The following NCKAP5 variants were observed in gnomAD, a reference collection of about 807,000 sequenced individuals.
NCKAP5 encodes nck-associated protein 5.
A neutral mutation model predicts 167.0 loss-of-function variants in NCKAP5; 92 were observed. That is an observed-to-expected ratio of 0.55 (90% CI 0.47 to 0.66). The LOEUF is 0.66. NCKAP5 is among the 30% of genes least tolerant of loss of function. The pLI is 0.00. For missense variants in NCKAP5, 2,378 were observed against 2,315.0 expected (o/e 1.03, Z -0.56); for synonymous variants, 891 against 877.4 (o/e 1.02, Z -0.27).
At chr2:133,000,920 AT>A (rs1240995300) in intron 6 of NCKAP5, among the ~76,000 whole-genome samples, 3 of 152,308 alleles carry the variant, frequency 2.0e-5, no homozygotes, top group Non-Finnish European at 4.4e-5. Context: ...AAGTTCTAGT[AT>A]AGGCAAAATT....
At chr2:133,587,951 C>A in the NCKAP5 span, among the ~76,000 whole-genome samples, 588 of 152,036 alleles carry the variant, frequency 3.9e-3, 8 homozygotes, top group African/African-American at 0.013. Context: ...GATTTATGAC[C>A]CATCAGAGGT....
At chr2:133,033,113 G>T (rs2078933158) in intron 6 of NCKAP5, among the ~76,000 whole-genome samples, 1 of 152,192 alleles carries the variant, frequency 6.6e-6, no homozygotes, top group African/African-American at 2.4e-5. Context: ...TGGCCACTGA[G>T]GTGTGCTGGT....
At chr2:133,552,629 A>G (rs1330375390) in intron 2 of NCKAP5, among the ~76,000 whole-genome samples, 6 of 141,130 alleles carry the variant, frequency 4.3e-5, no homozygotes, top group African/African-American at 1.6e-4. Flanking sequence ...TAGCATTGGG[A>G]GATATACCTA....
intron 11 of NCKAP5, among the ~76,000 whole-genome samples, chr2:132,817,534 A>C (rs761215390): frequency 7.9e-5 from 12 of 152,248 alleles, no homozygotes; most frequent in Non-Finnish European, 7.3e-5. Flanking sequence ...GTTAATTTGA[A>C]CTTATTCTCC....
chr2:133,463,203 C>T (rs560194445), intron 3 of NCKAP5, among the ~76,000 whole-genome samples: 3 of 152,196 alleles, frequency 2.0e-5, no homozygotes, highest in Non-Finnish European at 2.9e-5. Context: ...TACATTTGCA[C>T]ATAAATGAGC....
intron 4 of NCKAP5, among the ~76,000 whole-genome samples, chr2:133,299,084 A>G (rs1484095451): frequency 6.6e-6 from 1 of 152,114 alleles, no homozygotes; most frequent in Non-Finnish European, 1.5e-5. Context: ...TGGTGTGTCC[A>G]TTAGGGTCGA....
intron 3 of NCKAP5, among the ~76,000 whole-genome samples, chr2:133,323,843 T>C (rs180725267): frequency 6.6e-6 from 1 of 152,342 alleles, no homozygotes; most frequent in Admixed American, 6.5e-5. Context: ...CAATTCCTAA[T>C]GTTTTTCTAC....
chr2:133,485,059 T>C (rs1277246149), intron 3 of NCKAP5, among the ~76,000 whole-genome samples: 1 of 152,208 alleles, frequency 6.6e-6, no homozygotes, highest in Non-Finnish European at 1.5e-5. Context: ...TATCATTCCA[T>C]CATTCATTTA....
At chr2:133,498,358 A>G (rs1187518739) in intron 3 of NCKAP5, among the ~76,000 whole-genome samples, 3 of 151,704 alleles carry the variant, frequency 2.0e-5, no homozygotes, top group African/African-American at 7.3e-5. Flanking sequence ...ATGAGGGAGA[A>G]ATAGAGGGAG....
chr2:133,527,903 G>A (rs1229216948), intron 2 of NCKAP5, among the ~76,000 whole-genome samples: 5 of 151,930 alleles, frequency 3.3e-5, no homozygotes, highest in Non-Finnish European at 7.4e-5. Context: ...CTGTCTGTAG[G>A]AAAAATAAAA....
intron 3 of NCKAP5, among the ~76,000 whole-genome samples, chr2:133,477,726 A>G (rs151156166): frequency 1.2e-3 from 178 of 152,198 alleles, no homozygotes; most frequent in Non-Finnish European, 2.1e-3. Context: ...TACTGTACTC[A>G]TCATTTTTTT....
chr2:133,365,821 A>G (rs970392158), intron 3 of NCKAP5, among the ~76,000 whole-genome samples: 1 of 152,196 alleles, frequency 6.6e-6, no homozygotes, highest in Non-Finnish European at 1.5e-5. Flanking sequence ...GTTTAGAGAT[A>G]TACTGTCTGA....
chr2:133,113,307 A>T (rs2149724606), intron 6 of NCKAP5, among the ~76,000 whole-genome samples: 1 of 152,266 alleles, frequency 6.6e-6, no homozygotes, highest in Admixed American at 6.5e-5. Context: ...GAGAGCATAT[A>T]ATTTTTATAC....
At chr2:133,450,521 T>A (rs1186714863) in intron 3 of NCKAP5, among the ~76,000 whole-genome samples, 1 of 152,216 alleles carries the variant, frequency 6.6e-6, no homozygotes, top group Admixed American at 6.5e-5. Flanking sequence ...CTTATAGCCC[T>A]CTGATGAGTT....
intron 5 of NCKAP5, among the ~76,000 whole-genome samples, chr2:133,196,284 C>T (rs2085433290): frequency 6.6e-6 from 1 of 152,066 alleles, no homozygotes; most frequent in African/African-American, 2.4e-5. Flanking sequence ...AACAGGAACC[C>T]CTGAGGTATA....
At chr2:133,611,284 C>T in the NCKAP5 span, among the ~76,000 whole-genome samples, 5 of 151,758 alleles carry the variant, frequency 3.3e-5, no homozygotes, top group African/African-American at 1.2e-4. Context: ...GCCACCACCT[C>T]CTCCATCTGC....
intron 8 of NCKAP5, among the ~76,000 whole-genome samples, chr2:132,883,341 A>T (rs1691939721): frequency 6.6e-6 from 1 of 151,372 alleles, no homozygotes; most frequent in Non-Finnish European, 1.5e-5. Flanking sequence ...CATACTTCCT[A>T]CTTTGCCAGG....
chr2:133,199,168 C>T (rs1559256694), intron 5 of NCKAP5, among the ~76,000 whole-genome samples: 1 of 151,820 alleles, frequency 6.6e-6, no homozygotes, highest in Non-Finnish European at 1.5e-5. Flanking sequence ...GAAGAAAACA[C>T]AAAACAATAT....
intron 3 of NCKAP5, among the ~76,000 whole-genome samples, chr2:133,397,635 T>C (rs1271689746): frequency 6.6e-6 from 1 of 152,208 alleles, no homozygotes. Context: ...CTGGGGCTGC[T>C]GGGTACTATT....
Sources: allele counts gnomAD v4.1 joint callset (sites outside exome capture counted in the v4.1 genomes callset), GRCh38; gene constraint gnomAD v4.1.1; transcripts MANE v1.5; gene names NCBI Gene and HGNC (gene_info 2026-07-23, HGNC 2026-07-21).